Variants in TMCC1 observed in about 807,000 individuals in gnomAD.
TMCC1 encodes transmembrane and coiled-coil domain family 1.
In TMCC1, 15 loss-of-function variants were observed where a neutral mutation model predicts 52.4. The ratio of observed to expected loss-of-function variants is 0.29; its 90% CI spans 0.19 to 0.44. The LOEUF (loss-of-function observed/expected upper bound fraction) is 0.44, where lower values mean the gene tolerates loss of function less well. Ranked by LOEUF, TMCC1 falls within the 20% of genes least tolerant of loss-of-function variation. The pLI is 1.00. For missense variants in TMCC1, 503 were observed against 806.0 expected, an observed-to-expected ratio of 0.62 and a Z score of 4.55; for synonymous variants, 279 against 301.9, an observed-to-expected ratio of 0.92 and a Z score of 0.79.
At chr3:129,817,440 C>A (rs2058153971) in intron 4 of TMCC1, among the ~76,000 whole-genome samples, 1 of 152,068 alleles carries the variant, frequency 6.6e-6, no homozygotes, top group Non-Finnish European at 1.5e-5. Flanking sequence ...CAAAGAAAGA[C>A]CCTGTCTTAA....
intron 4 of TMCC1, among the ~76,000 whole-genome samples, chr3:129,785,586 A>AACAC (rs10576514): frequency 7.8e-4 from 100 of 128,340 alleles, no homozygotes; most frequent in Non-Finnish European, 1.2e-3. Flanking sequence ...CACACACACA[A>AACAC]ACACACACAC....
chr3:129,775,382 G>T (rs560798678), intron 4 of TMCC1, among the ~76,000 whole-genome samples: 11 of 152,232 alleles, frequency 7.2e-5, no homozygotes, highest in African/African-American at 2.6e-4. Flanking sequence ...TGGGAGGACT[G>T]TCTGAGCCCA....
chr3:129,694,750 TAGCATATAATCAAG>T (rs1451243254), intron 4 of TMCC1, among the ~76,000 whole-genome samples: 4 of 152,308 alleles, frequency 2.6e-5, no homozygotes, highest in African/African-American at 9.6e-5. Flanking sequence ...ACCCCTTGTT[TAGCATATAATCAAG>T]AAATAACCAT....
At chr3:129,874,277 G>C (rs545572352) in intron 2 of TMCC1, among the ~76,000 whole-genome samples, 4 of 152,300 alleles carry the variant, frequency 2.6e-5, no homozygotes, top group Admixed American at 6.5e-5. Flanking sequence ...TTTCTACAAA[G>C]TACCTAAAAA....
intron 5 of TMCC1, 138 bp from the exon 6 acceptor site, chr3:129,655,241 G>A: frequency 2.0e-6 from 2 of 1,019,708 alleles, no homozygotes; most frequent in Non-Finnish European, 2.8e-6. Context: ...TTAACAGGGT[G>A]TGCCAGTGGG....
intron 2 of TMCC1, among the ~76,000 whole-genome samples, chr3:129,873,444 G>A (rs2061031267): frequency 6.6e-6 from 1 of 151,774 alleles, no homozygotes; most frequent in East Asian, 1.9e-4. Context: ...CACTTTGGGA[G>A]GTGGAAATGG....
At chr3:129,657,679 TG>T (rs1422704282) in intron 5 of TMCC1, among the ~76,000 whole-genome samples, 1 of 152,206 alleles carries the variant, frequency 6.6e-6, no homozygotes, top group Non-Finnish European at 1.5e-5. Context: ...TGTGATGGTT[TG>T]GAGTCTGATG....
intron 4 of TMCC1, among the ~76,000 whole-genome samples, chr3:129,748,729 G>A (rs1294644978): frequency 1.3e-5 from 2 of 152,096 alleles, no homozygotes; most frequent in African/African-American, 4.8e-5. Flanking sequence ...CGGGCCAGCT[G>A]GGGTAGCTCA....
At chr3:129,766,311 ATC>A (rs2054125491) in intron 4 of TMCC1, among the ~76,000 whole-genome samples, 2 of 152,124 alleles carry the variant, frequency 1.3e-5, no homozygotes, top group African/African-American at 2.4e-5. Flanking sequence ...ATGCCAGGAC[ATC>A]TGTTTCTGAG....
chr3:129,756,100 G>GAAAAAAAAAAAAAAAAAAAAA (rs764626470), intron 4 of TMCC1, among the ~76,000 whole-genome samples: 1 of 50,296 alleles, frequency 2.0e-5, no homozygotes. Flanking sequence ...TCCATCTCAA[G>GAAAAAAAAAAAAAAAAAAAAA]AAAAAAAAAA....
At chr3:129,777,020 G>C (rs1214436438) in intron 4 of TMCC1, among the ~76,000 whole-genome samples, 1 of 152,112 alleles carries the variant, frequency 6.6e-6, no homozygotes, top group Non-Finnish European at 1.5e-5. Flanking sequence ...CGAACGTATT[G>C]TTTGCCATGT....
At chr3:129,889,321 G>T (rs919201955) in intron 1 of TMCC1, among the ~76,000 whole-genome samples, 1 of 152,100 alleles carries the variant, frequency 6.6e-6, no homozygotes, top group African/African-American at 2.4e-5. Context: ...AACTGCCAAG[G>T]TCACTAAATA....
intron 1 of TMCC1, among the ~76,000 whole-genome samples, chr3:129,881,942 T>C (rs1279770081): frequency 2.0e-5 from 3 of 152,086 alleles, no homozygotes; most frequent in African/African-American, 7.2e-5. Flanking sequence ...GGAGAAATAA[T>C]AGCCAAAGAT....
intron 4 of TMCC1, among the ~76,000 whole-genome samples, chr3:129,730,913 T>G: frequency 6.6e-6 from 1 of 152,234 alleles, no homozygotes. Context: ...GAAATCTCCC[T>G]GTGGTTTCAC....
chr3:129,852,202 AC>A, intron 2 of TMCC1, among the ~76,000 whole-genome samples: 1 of 152,190 alleles, frequency 6.6e-6, no homozygotes, highest in East Asian at 1.9e-4. Context: ...CATGCCTGTA[AC>A]CTCAACACTT....
chr3:129,744,509 C>T (rs968606088), intron 4 of TMCC1, among the ~76,000 whole-genome samples: 20 of 152,066 alleles, frequency 1.3e-4, no homozygotes, highest in African/African-American at 4.8e-4. Flanking sequence ...TGGTCTCAAA[C>T]TCCTAGGCTC....
intron 2 of TMCC1, among the ~76,000 whole-genome samples, chr3:129,879,731 C>T (rs1577202437): frequency 6.6e-6 from 1 of 152,202 alleles, no homozygotes; most frequent in Admixed American, 6.5e-5. Context: ...ATCACACCTC[C>T]TCTTGCCAAT....
chr3:129,656,293 C>G (rs901519089), intron 5 of TMCC1, among the ~76,000 whole-genome samples: 2 of 152,180 alleles, frequency 1.3e-5, no homozygotes, highest in Non-Finnish European at 2.9e-5. Flanking sequence ...ATGGAAACCT[C>G]TCTGTCAGGC....
At chr3:129,701,604 G>A (rs1226056313) in intron 4 of TMCC1, among the ~76,000 whole-genome samples, 6 of 152,190 alleles carry the variant, frequency 3.9e-5, no homozygotes, top group Admixed American at 2.0e-4. Context: ...AATTAGTTCA[G>A]AAAGGAGGGC....
Sources: gnomAD v4.1 joint callset for allele counts (sites outside exome capture counted in the v4.1 genomes callset) on GRCh38, gnomAD v4.1.1 for gene constraint, MANE v1.5 for transcripts, NCBI Gene and HGNC (gene_info 2026-07-23, HGNC 2026-07-21) for gene names.